The following AIG1 variants were observed in gnomAD, a reference collection of about 807,000 sequenced individuals.
AIG1 encodes androgen-induced gene 1 protein.
A neutral mutation model predicts 31.4 loss-of-function variants in AIG1; 23 were observed. The observed-to-expected ratio is 0.73, with a 90% CI of 0.53 to 1.04. AIG1 has a LOEUF of 1.04. Among genes scored for constraint, AIG1 ranks in the 50% least tolerant of loss-of-function variants. The probability of loss-of-function intolerance (pLI) is 0.00; values close to 1 mark genes in which losing one functional copy is unlikely to be tolerated. For missense variants in AIG1, 274 were observed against 295.0 expected (o/e 0.93, Z 0.52); for synonymous variants, 100 against 110.5 (o/e 0.90, Z 0.60).
At chr6:143,106,982 C>T (rs1289840360) in intron 1 of AIG1, among the ~76,000 whole-genome samples, 1 of 152,168 alleles carries the variant, frequency 6.6e-6, no homozygotes, top group Non-Finnish European at 1.5e-5. Flanking sequence ...CTTCCCAAAG[C>T]TCCATCTTCA....
At chr6:143,316,423 C>G (rs1268508498) in intron 4 of AIG1, among the ~76,000 whole-genome samples, 1 of 151,994 alleles carries the variant, frequency 6.6e-6, no homozygotes. Context: ...GATAGGACAC[C>G]AATCCCTTCT....
intron 2 of AIG1, among the ~76,000 whole-genome samples, chr6:143,151,265 G>A (rs1785198930): frequency 6.6e-6 from 1 of 152,098 alleles, no homozygotes; most frequent in Non-Finnish European, 1.5e-5. Flanking sequence ...TCATGTTTGG[G>A]AAATAAATCA....
chr6:143,221,479 AC>A (rs1792509373), intron 3 of AIG1, among the ~76,000 whole-genome samples: 1 of 152,040 alleles, frequency 6.6e-6, no homozygotes, highest in Admixed American at 6.6e-5. Context: ...ATGGCTCATA[AC>A]TTTTATCTAG....
Position 143,326,804 on chromosome 6 carries a change from C to G in AIG1, c.516-6478C>G, listed in dbSNP as rs1037309436. Reference sequence around the variant, plus strand: ...AGGCAGAAAGAAGAATATGTGAAAACCCACATTGCAGGAGGGAACATGACA... The same window carrying G: ...AGGCAGAAAGAAGAATATGTGAAAAGCCACATTGCAGGAGGGAACATGACA... On this transcript the variant is annotated intron_variant, in intron 4 of 5. Coordinates refer to ENST00000357847, the MANE Select transcript of AIG1 (RefSeq NM_016108.4). The surrounding 1 kb of genome is among the most constrained non-coding windows in gnomAD (Gnocchi z 4.5). 6.6e-6 allele frequency among the ~76,000 whole-genome samples: 1 copy of G among 152,056 alleles called. No individual in the cohort carries two copies. Among genetic ancestry groups the G allele is most frequent in the South Asian group, 2.1e-4 (1 of 4,816 alleles).
intron 3 of AIG1, among the ~76,000 whole-genome samples, chr6:143,254,473 T>C (rs1310023957): frequency 1.3e-5 from 2 of 152,132 alleles, no homozygotes; most frequent in Non-Finnish European, 2.9e-5. Flanking sequence ...ATCCTGGGGG[T>C]GTCTCTGCTT....
At chr6:143,259,888 G>C (rs1393374896) in intron 3 of AIG1, among the ~76,000 whole-genome samples, 1 of 152,088 alleles carries the variant, frequency 6.6e-6, no homozygotes, top group African/African-American at 2.4e-5. Context: ...TTGCCTAAAA[G>C]TTTTAGTATC....
chr6:143,179,866 C>T (rs1021946147), intron 3 of AIG1, among the ~76,000 whole-genome samples: 5 of 152,174 alleles, frequency 3.3e-5, no homozygotes, highest in Admixed American at 2.6e-4. Context: ...GGAGCTGGCT[C>T]AATATCTAAA....
chr6:143,164,503 C>A (rs1786728837), intron 2 of AIG1, among the ~76,000 whole-genome samples: 1 of 152,172 alleles, frequency 6.6e-6, no homozygotes, highest in African/African-American at 2.4e-5. Context: ...CCTCCATGGA[C>A]CCAGCTTCTC....
intron 3 of AIG1, among the ~76,000 whole-genome samples, chr6:143,194,274 A>C (rs1312751199): frequency 6.6e-6 from 1 of 152,212 alleles, no homozygotes; most frequent in Non-Finnish European, 1.5e-5. Context: ...CATGTGAAGG[A>C]AGAACTGTCA....
At chr6:143,237,975 C>G (rs951805781) in intron 3 of AIG1, among the ~76,000 whole-genome samples, 1 of 152,154 alleles carries the variant, frequency 6.6e-6, no homozygotes, top group South Asian at 2.1e-4. Context: ...GAATCTCACT[C>G]TGTCACCTAG....
intron 4 of AIG1, among the ~76,000 whole-genome samples, chr6:143,317,332 G>A (rs1414393356): frequency 6.6e-6 from 1 of 152,158 alleles, no homozygotes; most frequent in Non-Finnish European, 1.5e-5. Flanking sequence ...TTATACCAGA[G>A]ATGCAGGGAT....
chr6:143,210,737 T>A (rs978691470), intron 3 of AIG1, among the ~76,000 whole-genome samples: 2 of 152,114 alleles, frequency 1.3e-5, no homozygotes, highest in African/African-American at 4.8e-5. Context: ...AAAATGAAAT[T>A]AACCTAGAGA....
intron 3 of AIG1, among the ~76,000 whole-genome samples, chr6:143,281,419 A>C (rs922258063): frequency 6.6e-6 from 1 of 152,206 alleles, no homozygotes; most frequent in African/African-American, 2.4e-5. Context: ...TGCAGTGATG[A>C]TTTTAACTGG....
chr6:143,275,606 T>G (rs1241697909), intron 3 of AIG1, among the ~76,000 whole-genome samples: 3 of 152,268 alleles, frequency 2.0e-5, no homozygotes, highest in African/African-American at 7.2e-5. Flanking sequence ...TTTCTTCTCC[T>G]TGGCCATGTG....
chr6:143,244,985 A>G (rs1298460084), intron 3 of AIG1, among the ~76,000 whole-genome samples: 1 of 152,192 alleles, frequency 6.6e-6, no homozygotes, highest in East Asian at 1.9e-4. Context: ...TTTAACCTTC[A>G]AAGTAGAAAA....
At chr6:143,079,898 T>C (rs1778066091) in intron 1 of AIG1, among the ~76,000 whole-genome samples, 1 of 151,970 alleles carries the variant, frequency 6.6e-6, no homozygotes, top group Non-Finnish European at 1.5e-5. Context: ...CCTGTGTTTA[T>C]ATCCCGATCA....
intron 3 of AIG1, among the ~76,000 whole-genome samples, chr6:143,239,953 T>C (rs531325328): frequency 1.3e-5 from 2 of 152,346 alleles, no homozygotes; most frequent in South Asian, 4.1e-4. Context: ...ATTAGATGTA[T>C]TTAACACTAG....
chr6:143,319,650 A>G (rs1199045659), intron 4 of AIG1, among the ~76,000 whole-genome samples: 1 of 152,160 alleles, frequency 6.6e-6, no homozygotes, highest in Non-Finnish European at 1.5e-5. Context: ...TTAAAAGAAG[A>G]TAACAACAAA....
At chr6:143,104,400 C>A (rs1275340195) in intron 1 of AIG1, among the ~76,000 whole-genome samples, 1 of 152,198 alleles carries the variant, frequency 6.6e-6, no homozygotes, top group African/African-American at 2.4e-5. Flanking sequence ...GAAGGGATTC[C>A]TTTCTCCATG....
Sources: allele counts gnomAD v4.1 joint callset (sites outside exome capture counted in the v4.1 genomes callset), GRCh38; gene constraint gnomAD v4.1.1; non-coding constraint Gnocchi (gnomAD v3.1); transcripts MANE v1.5; gene names NCBI Gene and HGNC (gene_info 2026-07-23, HGNC 2026-07-21).